The following THBS2 variants were observed in gnomAD, a reference collection of about 807,000 sequenced individuals.
THBS2 encodes the protein thrombospondin-2.
THBS2 carries 47 observed loss-of-function variants against 135.2 expected under a neutral mutation model. The observed-to-expected ratio is 0.35, with a 90% confidence interval of 0.28 to 0.44. The LOEUF (loss-of-function observed/expected upper bound fraction) is 0.44, where lower values mean the gene tolerates loss of function less well. Ranked by LOEUF, THBS2 falls within the 20% of genes least tolerant of loss-of-function variation. The pLI is 1.00. For synonymous variants in THBS2, 639 were observed against 633.8 expected, an observed-to-expected ratio of 1.01 and a Z score of -0.12; for missense variants, 1,288 against 1,603.1, an observed-to-expected ratio of 0.80 and a Z score of 3.36.
intron 4 of THBS2, among the ~76,000 whole-genome samples, chr6:169,244,923 G>A (rs781579541): frequency 2.0e-5 from 3 of 152,214 alleles, no homozygotes; most frequent in Non-Finnish European, 2.9e-5. Context: ...CTCACAGGAC[G>A]TGCACAAGGA....
intron 17 of THBS2, 27 bp from the exon 18 acceptor site, chr6:169,223,502 A>T (rs751455725): frequency 6.3e-7 from 1 of 1,599,666 alleles, no homozygotes. Context: ...AGCAAAAACA[A>T]AAACAAAAAC....
intron 9 of THBS2, among the ~76,000 whole-genome samples, chr6:169,236,182 C>G (rs1324613841): frequency 1.9e-5 from 2 of 106,448 alleles, no homozygotes; most frequent in Non-Finnish European, 3.9e-5. Flanking sequence ...CACACTCATT[C>G]CCCATCCACA....
chr6:169,235,356 C>T (rs533048131), intron 9 of THBS2, among the ~76,000 whole-genome samples: 2 of 152,060 alleles, frequency 1.3e-5, no homozygotes. Flanking sequence ...GCTCAGAGCT[C>T]CTCGCCAAGC....
chr6:169,246,395 T>G (rs1780557415), intron 3 of THBS2, 114 bp from the exon 4 acceptor site: 4 of 846,180 alleles, frequency 4.7e-6, no homozygotes, highest in African/African-American at 1.7e-5. Flanking sequence ...GTGAGAGTAT[T>G]TCCTTCTACG....
At chr6:169,230,439 G>A (rs956627990) in intron 13 of THBS2, among the ~76,000 whole-genome samples, 1 of 152,282 alleles carries the variant, frequency 6.6e-6, no homozygotes, top group Non-Finnish European at 1.5e-5. Flanking sequence ...CTGGAGCCCA[G>A]AGTTTCAGCA....
intron 9 of THBS2, 100 bp from the exon 10 acceptor site, chr6:169,235,007 C>G: frequency 8.3e-7 from 1 of 1,198,126 alleles, no homozygotes; most frequent in Non-Finnish European, 1.1e-6. Context: ...CATGGTGTTC[C>G]CTACACAGCC....
At chr6:169,240,983 C>T (rs1379586793) in intron 5 of THBS2, among the ~76,000 whole-genome samples, 4 of 150,130 alleles carry the variant, frequency 2.7e-5, no homozygotes, top group Admixed American at 6.6e-5. Flanking sequence ...CTCCTGCCCT[C>T]GCCACCCTCC....
In THBS2 at chr6:169,226,117, G is replaced by A. The variant is rs531358518; in HGVS notation, c.2538+63C>T. On this transcript the variant is annotated intron_variant, in intron 16 of 21. Coordinates refer to ENST00000617924, the MANE Select transcript of THBS2 (RefSeq NM_003247.5). ...AGTTGTCACAGTGATCCCCCACACC[G>A]CCACCGTCCCCGCGTCCCTCTGATG... is the stretch of plus-strand genomic sequence containing the variant. The A allele has an allele frequency of 2.0e-4, 289 of 1,479,426 alleles. No homozygotes were observed. The Middle Eastern group carries it at 3.4e-3, about 17-fold the overall frequency. 91.6% of individuals were successfully genotyped at this position (1,479,426 alleles called of 1,614,324 possible).
At position 169,225,278 on chromosome 6, in the gene THBS2, G is replaced by T. The variant is rs752041505; in HGVS notation, c.2640C>A (p.Ser880=). The T allele has an allele frequency of 1.2e-6, 2 of 1,605,790 alleles. No homozygotes were observed. Among genetic ancestry groups the T allele is most frequent in the Non-Finnish European group, 1.7e-6 (2 of 1,175,820 alleles). The change falls in exon 17 of 22, where the codon TCC becomes TCA. Residue 880 remains serine, a synonymous_variant. Coordinates refer to ENST00000617924, the MANE Select transcript of THBS2 (RefSeq NM_003247.5). ...TGTCATGGTCAGCCTGGTTGGCGTT[G>T]GAGATGTAGGGGCAGTTGTCCTGGT... The part of the protein sequence containing the change: ...QNNQDNCPYI[S]NANQADHDRD...
In THBS2 at chr6:169,223,390, G is replaced by A. The variant is rs377549057; in HGVS notation, c.2859C>T (p.Ala953=). The A allele has an allele frequency of 3.0e-5, 49 of 1,614,152 alleles. No individual in the cohort carries two copies. In the Middle Eastern group the frequency reaches 4.9e-4, roughly 16 times the overall value. ...AGTTCCTGAAGTCTGTCTCACTGAT[G>A]GCATTGTTTTCAGGACACACATCAT... ...DIDDVCPENN[A]ISETDFRNFQ... is the part of the protein sequence containing the mutation. The change falls in exon 18 of 22, where the codon GCC becomes GCT. Residue 953 remains alanine, a synonymous_variant. Coordinates refer to ENST00000617924, the MANE Select transcript of THBS2 (RefSeq NM_003247.5).
intron 1 of THBS2, 97 bp from the exon 2 acceptor site, chr6:169,250,903 C>G (rs1361494862): frequency 1.4e-6 from 1 of 727,310 alleles, no homozygotes; most frequent in Non-Finnish European, 2.2e-6. Flanking sequence ...CATTGAATAA[C>G]AGTTTGCATA....
chr6:169,252,393 C>G lies in THBS2; in HGVS notation c.-23+1331G>C, dbSNP rs997684799. Among the ~76,000 whole-genome samples the G allele has an allele frequency of 6.6e-6, 1 of 152,208 alleles. No homozygotes were observed. The highest frequency in any genetic ancestry group is 2.1e-4 in the South Asian group (1 of 4,826). On this transcript the variant is annotated intron_variant, in intron 1 of 21. Transcript: ENST00000617924. This position sits in a 1 kb window ranked among gnomAD's most constrained non-coding sequence, Gnocchi z 4.3. ...CTCCCCACCTCATCAGCCCACACTG[C>G]CGGGTACGTCGCAGTCCCCTAAGGA...
Position 169,248,566 on chromosome 6 carries a change from C to T in THBS2, c.460G>A (p.Val154Met), listed in dbSNP as rs781033084. ...CTGTAGGTCTCGCCAGCCACCTGCA[C>T]GGTGACGTTCTTCCACTGCGAGTCA... is the stretch of plus-strand genomic sequence containing the variant. ...LADSQWKNVT[V>M]QVAGETYSLH... The change falls in exon 3 of 22, where the codon GTG (valine) becomes ATG (methionine). Residue 154 changes from valine (V) to methionine (M), a missense_variant. This residue lies in a region of THBS2 where 414 missense variants were observed against 447.0 expected (regional missense o/e 0.93). Coordinates refer to ENST00000617924, the MANE Select transcript of THBS2 (RefSeq NM_003247.5). The T allele has an allele frequency of 2.5e-6, 4 of 1,613,878 alleles. No individual in the cohort carries two copies. Among genetic ancestry groups the T allele is most frequent in the Non-Finnish European group, 3.4e-6 (4 of 1,180,040 alleles).
rs540593705 is a variant in THBS2, at chr6:169,232,542, C to T, written c.1932+122G>A. On this transcript the variant is annotated intron_variant, in intron 12 of 21. Coordinates refer to ENST00000617924, the MANE Select transcript of THBS2 (RefSeq NM_003247.5). ...CAGGTGCTCAGCTTCCCCGGGCCAGCCCCTCCCATGCCTCTCCCGGGCCAC... is the reference window on the plus strand; with the variant it reads ...CAGGTGCTCAGCTTCCCCGGGCCAGTCCCTCCCATGCCTCTCCCGGGCCAC... 50 of 1,463,510 alleles carry T rather than the reference C, an allele frequency of 3.4e-5. No individual in the cohort carries two copies. In the African/African-American group the frequency reaches 5.7e-4, roughly 17 times the overall value. The allele number at this position is 1,463,510 out of a possible 1,614,324, so 90.7% of individuals were successfully genotyped here. A position where few individuals can be genotyped will look rare whatever the true frequency, so the allele number is the denominator to read the frequency against.
rs148267120 is a variant in THBS2, at chr6:169,225,777, G to A, written c.2539-398C>T. On this transcript the variant is annotated intron_variant, in intron 16 of 21. Coordinates refer to ENST00000617924, the MANE Select transcript of THBS2 (RefSeq NM_003247.5). ...CTGTCCTCCCTTGTCTCTTTCAAAC[G>A]CAAACCTGGAAATGAAGCCAATTCC... is the stretch of plus-strand genomic sequence containing the variant. Among the ~76,000 whole-genome samples the A allele has an allele frequency of 1.6e-3, 243 of 152,224 alleles. 1 individual carries two copies. The highest frequency in any genetic ancestry group is 5.5e-3 in the African/African-American group (228 of 41,522).
chr6:169,244,623 T>C (rs1285138470), intron 4 of THBS2, among the ~76,000 whole-genome samples: 2 of 151,864 alleles, frequency 1.3e-5, no homozygotes, highest in Non-Finnish European at 2.9e-5. Flanking sequence ...CACACACGTA[T>C]ACATATAAAT....
chr6:169,237,153 G>C lies in THBS2; in HGVS notation c.1477+17C>G. Reference sequence around the variant, plus strand: ...TGCAAGCCCGCCCACCCAGGGCCCCGCCTTCACCGTACTTACTTGGGCATG... The same window carrying C: ...TGCAAGCCCGCCCACCCAGGGCCCCCCCTTCACCGTACTTACTTGGGCATG... On this transcript the variant is annotated intron_variant, in intron 9 of 21. Transcript: ENST00000617924. 1 of 1,591,180 alleles carries C rather than the reference G, an allele frequency of 6.3e-7. No homozygotes were observed. Among genetic ancestry groups the C allele is most frequent in the Non-Finnish European group, 8.5e-7 (1 of 1,172,658 alleles).
chr6:169,223,652 T>C (rs1041451395), intron 17 of THBS2, among the ~76,000 whole-genome samples, 177 bp from the exon 18 acceptor site: 7 of 152,202 alleles, frequency 4.6e-5, no homozygotes, highest in African/African-American at 1.7e-4. Flanking sequence ...TCCAAAACAT[T>C]TGACTTCACA....
chr6:169,232,256 C>G (rs892162034), intron 12 of THBS2, 58 bp from the exon 13 acceptor site: 3 of 1,583,724 alleles, frequency 1.9e-6, no homozygotes, highest in Non-Finnish European at 2.6e-6. Flanking sequence ...CCGGAGGCGT[C>G]GAGGCGGGGC....
Sources: gnomAD v4.1 joint callset for allele counts (sites outside exome capture counted in the v4.1 genomes callset) on GRCh38, gnomAD v4.1.1 for gene constraint, gnomAD v4.1.1 regional missense constraint, Gnocchi (gnomAD v3.1) non-coding constraint, MANE v1.5 for transcripts, NCBI Gene and HGNC (gene_info 2026-07-23, HGNC 2026-07-21) for gene names.